INO80C: variants seen among roughly 807,000 people sequenced by gnomAD.
INO80C encodes INO80 complex subunit C, also known as IES6 homolog.
INO80C carries 17 observed loss-of-function variants against 17.7 expected under a neutral mutation model. The observed-to-expected ratio is 0.96, with a 90% CI of 0.66 to 1.44. INO80C has a LOEUF of 1.44. Ranked by LOEUF, INO80C falls within the 40% of genes most tolerant of loss-of-function variation. INO80C has a pLI of 0.00. For synonymous variants in INO80C, 96 were observed against 95.8 expected (o/e 1.00, Z -0.01); for missense variants, 244 against 245.0 (o/e 1.00, Z 0.03).
At chr18:35,488,224 G>C (rs2045896982) in intron 1 of INO80C, among the ~76,000 whole-genome samples, 1 of 152,148 alleles carries the variant, frequency 6.6e-6, no homozygotes, top group Admixed American at 6.6e-5. Context: ...GCTCCGCTAG[G>C]CAGTTTCCCA....
intron 4 of INO80C, among the ~76,000 whole-genome samples, chr18:35,471,004 C>G: frequency 6.6e-6 from 1 of 152,218 alleles, no homozygotes; most frequent in East Asian, 1.9e-4. Context: ...CCAGAATACA[C>G]TTTTCATAGC....
chr18:35,487,448 G>A, intron 1 of INO80C: 1 of 346,262 alleles, frequency 2.9e-6, no homozygotes, highest in East Asian at 1.2e-4. Flanking sequence ...GTCTTACGTG[G>A]CAGCAGGCAA....
chr18:35,485,728 CA>C, intron 1 of INO80C, among the ~76,000 whole-genome samples: 1 of 152,214 alleles, frequency 6.6e-6, no homozygotes, highest in South Asian at 2.1e-4. Context: ...GAATGAAAAA[CA>C]TATGTCCATG....
At chr18:35,481,247 C>T (rs2045804878) in intron 1 of INO80C, among the ~76,000 whole-genome samples, 1 of 152,016 alleles carries the variant, frequency 6.6e-6, no homozygotes, top group African/African-American at 2.4e-5. Context: ...TGGTTTAAAG[C>T]AAAAAACCTT....
At chr18:35,478,178 G>A in intron 4 of INO80C, 104 bp downstream of exon 4, 1 of 863,032 alleles carries the variant, frequency 1.2e-6, no homozygotes, top group Non-Finnish European at 1.8e-6. Flanking sequence ...CTGTAGACAG[G>A]CTCCAGGCAG....
In INO80C at chr18:35,479,120, A is replaced by G. The variant is rs2045774218; in HGVS notation, c.379+180T>C. ...CATGACAACACAAACAAATAGGCTC[A>G]ATACAGATACAGTTATGAGAAAATA... On this transcript the variant is annotated intron_variant, in intron 3 of 4. Transcript: ENST00000334598. 5 of 542,818 alleles carry G rather than the reference A, an allele frequency of 9.2e-6. No individual in the cohort carries two copies. In the Admixed American group the frequency reaches 1.7e-4, roughly 19 times the overall value. The allele number at this position is 542,818 out of a possible 1,614,324, so 33.6% of individuals were successfully genotyped here.
In INO80C at chr18:35,480,488, C is replaced by T; in HGVS notation, c.232G>A (p.Ala78Thr). ...GGATCCTTAAATGGCAAAGGTTTGG[C>T]AGCTTTTTCCACAGGTCCTGTGCTA... ...EFSTGPVEKA[A>T]KPLPFKDPNF... is the part of the protein sequence containing the mutation. Residue 78 changes from alanine (A) to threonine (T), a missense_variant, in exon 2 of 5, where the codon GCC becomes ACC. Ala to Thr is a moderately conservative substitution (Grantham distance 58). Coordinates refer to ENST00000334598, the MANE Select transcript of INO80C (RefSeq NM_194281.4). The T allele has an allele frequency of 6.2e-7, 1 of 1,614,106 alleles. No homozygotes were observed. Among genetic ancestry groups the T allele is most frequent in the Admixed American group, 1.7e-5 (1 of 60,030 alleles).
chr18:35,488,014 C>T (rs527276805), intron 1 of INO80C, among the ~76,000 whole-genome samples: 1 of 152,360 alleles, frequency 6.6e-6, no homozygotes, highest in African/African-American at 2.4e-5. Flanking sequence ...CCATGTCTCA[C>T]ATCCAAGTCA....
chr18:35,484,516 G>C (rs770412347), intron 1 of INO80C, among the ~76,000 whole-genome samples: 31 of 152,164 alleles, frequency 2.0e-4, no homozygotes, highest in Admixed American at 1.3e-3. Flanking sequence ...AAGACATTTG[G>C]TGGGGGAAAA....
intron 4 of INO80C, among the ~76,000 whole-genome samples, chr18:35,469,026 A>C (rs1166793546): frequency 5.3e-5 from 8 of 152,118 alleles, no homozygotes; most frequent in Non-Finnish European, 8.8e-5. Flanking sequence ...TCCAAGACTG[A>C]ATTCATGATG....
At chr18:35,470,226 T>C (rs984267944) in intron 4 of INO80C, among the ~76,000 whole-genome samples, 1 of 152,200 alleles carries the variant, frequency 6.6e-6, no homozygotes, top group African/African-American at 2.4e-5. Context: ...CGGGAACTTA[T>C]TTATAGGCTT....
chr18:35,497,254 A>C, intron 1 of INO80C: 1 of 831,684 alleles, frequency 1.2e-6, no homozygotes, highest in Non-Finnish European at 1.5e-6. Context: ...TGGGAAACCC[A>C]GGGTCAAAAA....
chr18:35,485,423 C>T (rs2045861626), intron 1 of INO80C, among the ~76,000 whole-genome samples: 1 of 152,100 alleles, frequency 6.6e-6, no homozygotes, highest in Admixed American at 6.5e-5. Context: ...AGAAGATATA[C>T]AAACAGCCAG....
chr18:35,481,373 T>C (rs552130046), intron 1 of INO80C, among the ~76,000 whole-genome samples: 11 of 152,376 alleles, frequency 7.2e-5, no homozygotes, highest in African/African-American at 2.6e-4. Context: ...AGATGTGATT[T>C]ACATACAGTG....
intron 4 of INO80C, among the ~76,000 whole-genome samples, chr18:35,469,567 C>T (rs1483768918): frequency 6.6e-6 from 1 of 152,194 alleles, no homozygotes; most frequent in African/African-American, 2.4e-5. Flanking sequence ...GTTCATTCTT[C>T]AGGACTCGGC....
At chr18:35,488,847 C>A (rs2045904611) in intron 1 of INO80C, among the ~76,000 whole-genome samples, 2 of 152,196 alleles carry the variant, frequency 1.3e-5, no homozygotes, top group Non-Finnish European at 1.5e-5. Flanking sequence ...ACCCAAGTCA[C>A]CTCTTGAATG....
chr18:35,494,277 C>G (rs76592678), intron 1 of INO80C, among the ~76,000 whole-genome samples: 1,579 of 152,302 alleles, frequency 0.01, 27 homozygotes, highest in African/African-American at 0.035. Context: ...TACTCTGCCC[C>G]TGGTGTGCAC....
chr18:35,487,703 G>A (rs1259751545), intron 1 of INO80C: 3 of 153,574 alleles, frequency 2.0e-5, no homozygotes, highest in Non-Finnish European at 4.4e-5. Flanking sequence ...GTCCTCACAT[G>A]TTAAAATCAA....
At chr18:35,471,866 C>T (rs2144025580) in intron 4 of INO80C, among the ~76,000 whole-genome samples, 1 of 148,666 alleles carries the variant, frequency 6.7e-6, no homozygotes, top group Admixed American at 6.8e-5. Flanking sequence ...GGTTTTTTGT[C>T]CTTGTGATAG....
Sources: gnomAD v4.1 joint callset for allele counts (sites outside exome capture counted in the v4.1 genomes callset) on GRCh38, gnomAD v4.1.1 for gene constraint, MANE v1.5 for transcripts, NCBI Gene and HGNC (gene_info 2026-07-23, HGNC 2026-07-21) for gene names.